CAMTA1: variants seen among roughly 807,000 people sequenced by gnomAD.
CAMTA1 encodes the protein calmodulin binding transcription activator 1.
A neutral mutation model predicts 170.9 loss-of-function variants in CAMTA1; 27 were observed. That is an observed-to-expected ratio of 0.16 (90% confidence interval 0.12 to 0.22). The LOEUF (loss-of-function observed/expected upper bound fraction) is 0.22. Among genes scored for constraint, CAMTA1 ranks in the 10% least tolerant of loss-of-function variants. The pLI is 1.00. For synonymous variants in CAMTA1, 833 were observed against 891.5 expected (o/e 0.93, Z 1.17); for missense variants, 1,619 against 2,217.2 (o/e 0.73, Z 5.42).
At chr1:7,541,539 A>G (rs182315576) in intron 6 of CAMTA1, among the ~76,000 whole-genome samples, 29 of 152,346 alleles carry the variant, frequency 1.9e-4, no homozygotes, top group African/African-American at 7.0e-4. Flanking sequence ...ACGGAATATA[A>G]ATCTCTGTTT....
intron 3 of CAMTA1, among the ~76,000 whole-genome samples, chr1:6,925,572 C>T (rs961266212): frequency 2.6e-5 from 4 of 152,094 alleles, no homozygotes; most frequent in Non-Finnish European, 4.4e-5. Context: ...GGGAGGAGTG[C>T]GTCCCTGTAG....
chr1:7,327,859 TG>T (rs2082786807), intron 5 of CAMTA1, among the ~76,000 whole-genome samples: 1 of 152,238 alleles, frequency 6.6e-6, no homozygotes, highest in South Asian at 2.1e-4. Context: ...TCTCAGGTTT[TG>T]TTTTGTTATT....
chr1:6,866,550 A>G (rs1168364621), intron 3 of CAMTA1, among the ~76,000 whole-genome samples: 1 of 152,120 alleles, frequency 6.6e-6, no homozygotes, highest in Non-Finnish European at 1.5e-5. Flanking sequence ...TTTTATGATC[A>G]TTTTTCCCTA....
intron 3 of CAMTA1, among the ~76,000 whole-genome samples, chr1:6,957,442 T>C (rs1190657686): frequency 6.6e-6 from 1 of 151,784 alleles, no homozygotes; most frequent in Non-Finnish European, 1.5e-5. Context: ...AAAATCAAGG[T>C]GTTGGCAGGG....
Position 7,526,409 on chromosome 1 carries a change from A to T in CAMTA1, c.510+58508A>T, listed in dbSNP as rs183749769. Among the ~76,000 whole-genome samples the T allele has an allele frequency of 7.3e-3, 1,102 of 151,522 alleles. 17 individuals are homozygous for T. Among genetic ancestry groups the T allele is most frequent in the African/African-American group, 0.025 (1,052 of 41,334 alleles). ...CCCTGCCCCCCACCCCACAGTCTGC[A>T]CGGACTGGACAGAGGCTGGCCATGG... is the stretch of plus-strand genomic sequence containing the variant. On this transcript the variant is annotated intron_variant, in intron 6 of 22. Transcript: ENST00000303635.
chr1:7,177,025 C>T (rs1650980204), intron 4 of CAMTA1, among the ~76,000 whole-genome samples: 1 of 152,034 alleles, frequency 6.6e-6, no homozygotes, highest in Non-Finnish European at 1.5e-5. Flanking sequence ...GCTGGCTGGG[C>T]AATAGACCAT....
At chr1:7,319,200 G>C (rs1400266545) in intron 5 of CAMTA1, among the ~76,000 whole-genome samples, 1 of 152,138 alleles carries the variant, frequency 6.6e-6, no homozygotes, top group African/African-American at 2.4e-5. Context: ...CATTTACATG[G>C]AGATCTGAAG....
chr1:7,742,262 G>A (rs2096824386), intron 16 of CAMTA1, among the ~76,000 whole-genome samples: 2 of 151,908 alleles, frequency 1.3e-5, no homozygotes, highest in Non-Finnish European at 2.9e-5. Flanking sequence ...TAATCACAGT[G>A]TGCTACTAAC....
chr1:7,418,432 C>T (rs1436635585), intron 5 of CAMTA1, among the ~76,000 whole-genome samples: 1 of 152,156 alleles, frequency 6.6e-6, no homozygotes, highest in Non-Finnish European at 1.5e-5. Flanking sequence ...CTCTTGACCT[C>T]AGGTGGTCCG....
At chr1:7,352,265 T>C (rs1462735010) in intron 5 of CAMTA1, among the ~76,000 whole-genome samples, 1 of 151,556 alleles carries the variant, frequency 6.6e-6, no homozygotes, top group Non-Finnish European at 1.5e-5. Flanking sequence ...TCCCTCCAGT[T>C]ATTGGGAACC....
intron 6 of CAMTA1, among the ~76,000 whole-genome samples, chr1:7,554,726 T>A (rs2094852844): frequency 6.6e-6 from 1 of 152,144 alleles, no homozygotes; most frequent in Non-Finnish European, 1.5e-5. Context: ...AGCTGGGTTC[T>A]TCCTCCTCCC....
intron 6 of CAMTA1, among the ~76,000 whole-genome samples, chr1:7,515,112 G>A (rs889847678): frequency 6.7e-6 from 1 of 149,692 alleles, no homozygotes; most frequent in Non-Finnish European, 1.5e-5. Context: ...TCATCAGGCT[G>A]GTCCTCCCCG....
chr1:7,483,576 G>A (rs2093571238), intron 6 of CAMTA1, among the ~76,000 whole-genome samples: 1 of 152,210 alleles, frequency 6.6e-6, no homozygotes. Flanking sequence ...GATCAGCCAG[G>A]AACCAGAGCA....
intron 4 of CAMTA1, among the ~76,000 whole-genome samples, chr1:7,112,684 G>A (rs897418188): frequency 6.6e-6 from 1 of 152,188 alleles, no homozygotes; most frequent in Non-Finnish European, 1.5e-5. Flanking sequence ...GCAGCCTCCC[G>A]CTCAGACTTG....
At chr1:6,885,730 A>G (rs1673021941) in intron 3 of CAMTA1, among the ~76,000 whole-genome samples, 1 of 152,140 alleles carries the variant, frequency 6.6e-6, no homozygotes, top group Non-Finnish European at 1.5e-5. Flanking sequence ...AAAGCAGAGA[A>G]ATACCAAACC....
chr1:7,238,906 C>T (rs746422075), intron 4 of CAMTA1, among the ~76,000 whole-genome samples: 3 of 152,124 alleles, frequency 2.0e-5, no homozygotes, highest in Admixed American at 6.6e-5. Flanking sequence ...ATATATTTAC[C>T]GAGCAGCTAT....
chr1:7,621,143 G>C (rs981029721), intron 6 of CAMTA1, among the ~76,000 whole-genome samples: 1 of 152,218 alleles, frequency 6.6e-6, no homozygotes, highest in Non-Finnish European at 1.5e-5. Flanking sequence ...TTAGGGGCTG[G>C]TGAACTGGAG....
At chr1:7,379,030 C>T (rs2087070385) in intron 5 of CAMTA1, among the ~76,000 whole-genome samples, 1 of 152,364 alleles carries the variant, frequency 6.6e-6, no homozygotes, top group South Asian at 2.1e-4. Flanking sequence ...TGCAGGCACC[C>T]TCCTCCCTGG....
chr1:6,866,141 G>T (rs1190218296), intron 3 of CAMTA1, among the ~76,000 whole-genome samples: 1 of 152,226 alleles, frequency 6.6e-6, no homozygotes, highest in Non-Finnish European at 1.5e-5. Flanking sequence ...CATCTGGGCA[G>T]TATTTATCTT....
Sources: gnomAD v4.1 joint callset for allele counts (sites outside exome capture counted in the v4.1 genomes callset) on GRCh38, gnomAD v4.1.1 for gene constraint, MANE v1.5 for transcripts, NCBI Gene and HGNC (gene_info 2026-07-23, HGNC 2026-07-21) for gene names.